TTC8: variants seen among roughly 807,000 people sequenced by gnomAD.
The protein encoded by TTC8 is tetratricopeptide repeat protein 8.
TTC8 carries 47 observed loss-of-function variants against 72.5 expected under a neutral mutation model. The ratio of observed to expected loss-of-function variants is 0.65; its 90% CI spans 0.51 to 0.83. TTC8 has a LOEUF of 0.83. Ranked by LOEUF, TTC8 falls within the 40% of genes least tolerant of loss-of-function variation. The probability of loss-of-function intolerance (pLI) is 0.00; values close to 1 mark genes in which losing one functional copy is unlikely to be tolerated. For missense variants in TTC8, 611 were observed against 623.2 expected (o/e 0.98, Z 0.21); for synonymous variants, 199 against 221.4 (o/e 0.90, Z 0.90).
At chr14:88,849,508 A>G (rs1044479705) in intron 7 of TTC8, among the ~76,000 whole-genome samples, 14 of 152,332 alleles carry the variant, frequency 9.2e-5, no homozygotes, top group Non-Finnish European at 2.1e-4. Flanking sequence ...AGTATTTAAC[A>G]CAAATACAGA....
chr14:88,846,866 G>T, intron 7 of TTC8: 1 of 373,626 alleles, frequency 2.7e-6, no homozygotes, highest in South Asian at 4.8e-5. Context: ...TTTTCTTCAA[G>T]TGAAATCTTA....
chr14:88,877,621 G>A lies in TTC8; in HGVS notation c.*211G>A, dbSNP rs891605843. 4 of 436,998 alleles carry A rather than the reference G, an allele frequency of 9.2e-6. No homozygotes were observed. Among genetic ancestry groups the A allele is most frequent in the Non-Finnish European group, 1.6e-5 (4 of 244,310 alleles). 27.1% of individuals were successfully genotyped at this position (436,998 alleles called of 1,614,324 possible). On this transcript the variant is annotated 3_prime_UTR_variant, in exon 15 of 15. Transcript: ENST00000380656. The stretch of plus-strand genomic sequence containing the variant: ...TTATAAAATAATATTATAAAATACA[G>A]GATTTAAACCTTTCTAAATAGATCC...
intron 2 of TTC8, among the ~76,000 whole-genome samples, chr14:88,834,788 A>G (rs1002459611): frequency 2.0e-5 from 3 of 152,300 alleles, no homozygotes; most frequent in East Asian, 1.9e-4. Flanking sequence ...AATTTGGAAG[A>G]TTTTGATTAA....
rs1275605564 is a variant in TTC8, at chr14:88,852,727, A to G, written c.625-244A>G. ...TCTTGTATATTAAAATTATATTCAA[A>G]TATATTATACATCTGCTTCCCTTTG... On this transcript the variant is annotated intron_variant, in intron 7 of 14. Transcript: ENST00000380656. 2.0e-5 allele frequency among the ~76,000 whole-genome samples: 3 copies of G among 152,164 alleles called. No homozygotes were observed. The East Asian group carries it at 5.8e-4, about 29-fold the overall frequency.
At chr14:88,834,984 T>A (rs2094743835) in intron 2 of TTC8, among the ~76,000 whole-genome samples, 1 of 152,234 alleles carries the variant, frequency 6.6e-6, no homozygotes. Flanking sequence ...GACTAGATTC[T>A]TTTGGCCTTA....
intron 7 of TTC8, among the ~76,000 whole-genome samples, chr14:88,849,526 A>G (rs2094823777): frequency 6.6e-6 from 1 of 152,208 alleles, no homozygotes; most frequent in Non-Finnish European, 1.5e-5. Flanking sequence ...AGAGAATATT[A>G]TAGACAAATA....
At position 88,871,865 on chromosome 14, in the gene TTC8, A is replaced by G; in HGVS notation, c.1224+142A>G. 1 of 910,612 alleles carries G rather than the reference A, an allele frequency of 1.1e-6. No homozygotes were observed. Among genetic ancestry groups the G allele is most frequent in the Non-Finnish European group, 1.7e-6 (1 of 571,794 alleles). The allele number at this position is 910,612 out of a possible 1,614,324, so 56.4% of individuals were successfully genotyped here. A position where few individuals can be genotyped will look rare whatever the true frequency, so the allele number is the denominator to read the frequency against. On this transcript the variant is annotated intron_variant, in intron 12 of 14. Coordinates refer to ENST00000380656, the MANE Select transcript of TTC8 (RefSeq NM_144596.4). The surrounding 1 kb of genome is among the most constrained non-coding windows in gnomAD (Gnocchi z 4.1). ...CCAGGAGTTTGAGACCACCCTGGGC[A>G]ACATAGTGGGACTCTGTCTCTACAA...
chr14:88,880,016 A>C (rs1335175355), downstream of TTC8: 1 of 152,092 alleles, frequency 6.6e-6, no homozygotes, highest in Non-Finnish European at 1.5e-5. Flanking sequence ...CCTTTACTAC[A>C]ATGAGGGATT....
At chr14:88,833,414 T>C (rs1029053847) in intron 1 of TTC8, among the ~76,000 whole-genome samples, 5 of 152,230 alleles carry the variant, frequency 3.3e-5, no homozygotes, top group Admixed American at 2.6e-4. Context: ...ATTTCTGATA[T>C]ATTGTGTGTT....
At chr14:88,856,025 G>A (rs552010813) in intron 8 of TTC8, among the ~76,000 whole-genome samples, 3 of 152,174 alleles carry the variant, frequency 2.0e-5, no homozygotes, top group Non-Finnish European at 4.4e-5. Context: ...GCAAGGCTGC[G>A]GTGAGCTGTG....
chr14:88,825,175 T>C (rs1038679317), intron 1 of TTC8, among the ~76,000 whole-genome samples: 6 of 152,362 alleles, frequency 3.9e-5, no homozygotes, highest in African/African-American at 1.4e-4. Flanking sequence ...AGCGTGTGCG[T>C]TGTTAATTTC....
At chr14:88,859,555 G>C (rs946488818) in intron 9 of TTC8, among the ~76,000 whole-genome samples, 7 of 151,678 alleles carry the variant, frequency 4.6e-5, no homozygotes, top group Non-Finnish European at 1.0e-4. Context: ...AATAACTAAT[G>C]GGTAGTAGGC....
At chr14:88,841,341 C>G (rs1046320521) in intron 5 of TTC8, 84 bp from the exon 6 acceptor site, 22 of 1,593,496 alleles carry the variant, frequency 1.4e-5, no homozygotes, top group Admixed American at 3.5e-5. Flanking sequence ...ATTTATGTTG[C>G]CTTTATATTT....
At chr14:88,830,829 G>A (rs2094722001) in intron 1 of TTC8, 1 of 455,846 alleles carries the variant, frequency 2.2e-6, no homozygotes, top group African/African-American at 2.0e-5. Context: ...TTAAAAAAGA[G>A]TTTTCCCCTA....
Position 88,877,357 on chromosome 14 carries a change from G to A in TTC8, c.1495G>A (p.Val499Met), listed in dbSNP as rs538188579. Residue 499 changes from valine to methionine, a missense_variant, in exon 15 of 15, where the codon GTG becomes ATG. By Grantham distance (21) the Val-to-Met change is conservative. Coordinates refer to ENST00000380656, the MANE Select transcript of TTC8 (RefSeq NM_144596.4). ...GTCTGAAGCAGCATTTCCAGACCAT[G>A]TGGACACACAACATTTAATTAAACA... ...QKSEAAFPDH[V>M]DTQHLIKQLR... is the part of the protein sequence containing the mutation. 1.2e-6 allele frequency: 2 copies of A among 1,613,850 alleles called. No individual in the cohort carries two copies. Among genetic ancestry groups the A allele is most frequent in the Admixed American group, 3.3e-5 (2 of 59,990 alleles).
intron 1 of TTC8, among the ~76,000 whole-genome samples, chr14:88,827,025 CT>C (rs879886040): frequency 1.5e-3 from 222 of 144,760 alleles, no homozygotes; most frequent in Admixed American, 1.6e-3. Context: ...CACCGGATTC[CT>C]TTTTTTTTTT....
At chr14:88,844,119 TGTTAAA>T (rs1239519469) in intron 7 of TTC8, among the ~76,000 whole-genome samples, 1 of 152,184 alleles carries the variant, frequency 6.6e-6, no homozygotes, top group Non-Finnish European at 1.5e-5. Flanking sequence ...AACATGCTTG[TGTTAAA>T]GTTATAGTTT....
At chr14:88,837,890 A>T (rs1433776477) in intron 2 of TTC8, among the ~76,000 whole-genome samples, 4 of 151,212 alleles carry the variant, frequency 2.6e-5, no homozygotes, top group Non-Finnish European at 4.4e-5. Context: ...GTTTTTTTTT[A>T]ATTTTTTTAC....
At chr14:88,868,919 A>C (rs976870723) in intron 10 of TTC8, among the ~76,000 whole-genome samples, 1 of 152,220 alleles carries the variant, frequency 6.6e-6, no homozygotes, top group Non-Finnish European at 1.5e-5. Context: ...TTCTTACCAC[A>C]AAGTATGCAA....
Sources: gnomAD v4.1 joint callset for allele counts (sites outside exome capture counted in the v4.1 genomes callset) on GRCh38, gnomAD v4.1.1 for gene constraint, Gnocchi (gnomAD v3.1) non-coding constraint, MANE v1.5 for transcripts, NCBI Gene and HGNC (gene_info 2026-07-23, HGNC 2026-07-21) for gene names.